PCSK5: variants seen among roughly 807,000 people sequenced by gnomAD.
The protein encoded by PCSK5 is proprotein convertase subtilisin/kexin type 5, also known as prohormone convertase 5.
PCSK5 carries 129 observed loss-of-function variants against 233.2 expected under a neutral mutation model. That is an observed-to-expected ratio of 0.55 (90% CI 0.48 to 0.64). The LOEUF is 0.64. Ranked by LOEUF, PCSK5 falls within the 30% of genes least tolerant of loss-of-function variation. PCSK5 has a pLI of 0.00. For synonymous variants in PCSK5, 825 were observed against 879.2 expected (o/e 0.94, Z 1.09); for missense variants, 2,076 against 2,430.1 (o/e 0.85, Z 3.06).
chr9:76,070,087 A>G (rs1280204539), intron 6 of PCSK5, among the ~76,000 whole-genome samples: 2 of 146,754 alleles, frequency 1.4e-5, no homozygotes, highest in African/African-American at 5.1e-5. Context: ...TGCAAGCTCC[A>G]TCTCCTGGGT....
At chr9:75,890,064 G>T (rs1825502643), upstream of PCSK5, among the ~76,000 whole-genome samples, 1 of 152,186 alleles carries the variant, frequency 6.6e-6, no homozygotes, top group Non-Finnish European at 1.5e-5. Context: ...TCCAAGGCCG[G>T]AATTGTACTC....
chr9:76,162,132 G>A (rs1184897176), intron 12 of PCSK5, among the ~76,000 whole-genome samples: 1 of 152,256 alleles, frequency 6.6e-6, no homozygotes, highest in East Asian at 1.9e-4. Flanking sequence ...CAGAATTATT[G>A]CTCTGAGCAG....
rs770196584 is a variant in PCSK5, at chr9:76,296,884, A to G, written c.3523+19A>G. 7 of 1,564,924 alleles carry G rather than the reference A, an allele frequency of 4.5e-6. No individual in the cohort carries two copies. The highest frequency in any genetic ancestry group is 6.2e-6 in the Non-Finnish European group (7 of 1,138,054). ...TGGAATGGTATGTGCCCCCCAAAAA[A>G]GAGGTCACAGGGGTCTAGCGACCTA... On this transcript the variant is annotated intron_variant, in intron 27 of 37. Transcript: ENST00000674117.
chr9:76,098,025 G>A (rs755114098), intron 8 of PCSK5, among the ~76,000 whole-genome samples: 7 of 152,110 alleles, frequency 4.6e-5, no homozygotes, highest in African/African-American at 9.7e-5. Flanking sequence ...TGCCTTTCCC[G>A]CAGTCCATAG....
intron 35 of PCSK5, 142 bp downstream of exon 35, chr9:76,338,589 G>A (rs936661730): frequency 1.4e-5 from 9 of 630,840 alleles, no homozygotes; most frequent in African/African-American, 1.1e-4. Flanking sequence ...CAGCATCAGC[G>A]CCCTCTGTTC....
At chr9:76,126,323 A>T (rs1832852959) in intron 9 of PCSK5, among the ~76,000 whole-genome samples, 1 of 152,218 alleles carries the variant, frequency 6.6e-6, no homozygotes, top group Admixed American at 6.5e-5. Context: ...GCCATAAAAA[A>T]ATGAAATCAG....
intron 7 of PCSK5, among the ~76,000 whole-genome samples, chr9:76,078,480 C>T (rs1313496486): frequency 6.6e-6 from 1 of 152,134 alleles, no homozygotes; most frequent in Non-Finnish European, 1.5e-5. Context: ...GGTCCAGTTT[C>T]ATTCTTCTGT....
intron 17 of PCSK5, 53 bp from the exon 18 acceptor site, chr9:76,188,525 G>A (rs1029756868): frequency 5.5e-5 from 63 of 1,145,414 alleles, no homozygotes; most frequent in Admixed American, 4.0e-4. Flanking sequence ...GAGTCATTAC[G>A]TTTTGGCCTC....
chr9:76,055,574 A>G (rs1310177204), intron 5 of PCSK5, among the ~76,000 whole-genome samples: 1 of 152,132 alleles, frequency 6.6e-6, no homozygotes, highest in Non-Finnish European at 1.5e-5. Context: ...GAGGTTCAGT[A>G]AAATATACTA....
chr9:76,270,891 C>T (rs939804283), intron 24 of PCSK5, among the ~76,000 whole-genome samples: 20 of 152,152 alleles, frequency 1.3e-4, no homozygotes, highest in African/African-American at 4.6e-4. Flanking sequence ...CCCAAACCTG[C>T]ACCTGTTCTG....
chr9:75,892,007 C>T lies in PCSK5; in HGVS notation c.192+634C>T, dbSNP rs367796802. 8.5e-4 allele frequency among the ~76,000 whole-genome samples: 129 copies of T among 152,150 alleles called. 2 individuals are homozygous for T. The South Asian group carries it at 0.026, about 31-fold the overall frequency. On this transcript the variant is annotated intron_variant, in intron 1 of 37. Coordinates refer to ENST00000674117, the MANE Select transcript of PCSK5 (RefSeq NM_001372043.1). ...GACCTCTAGGCTTTCTCGCCTTAAG[C>T]GAGGTCCGCGTGGGGGCTCCCGGAA...
intron 2 of PCSK5, among the ~76,000 whole-genome samples, chr9:75,946,511 G>A (rs865912764): frequency 7.2e-5 from 11 of 152,068 alleles, no homozygotes; most frequent in Non-Finnish European, 1.5e-4. Flanking sequence ...AGTCCATGTT[G>A]CCATCATATT....
At chr9:76,274,970 A>C (rs1457764964) in intron 24 of PCSK5, among the ~76,000 whole-genome samples, 1 of 151,972 alleles carries the variant, frequency 6.6e-6, no homozygotes, top group African/African-American at 2.4e-5. Flanking sequence ...CCTCATAGGA[A>C]CTCTCACGGG....
intron 1 of PCSK5, among the ~76,000 whole-genome samples, chr9:75,904,251 A>G (rs1175101840): frequency 6.6e-6 from 1 of 152,200 alleles, no homozygotes; most frequent in East Asian, 1.9e-4. Flanking sequence ...TCACATATTT[A>G]TGAGCCAGTC....
At position 76,292,217 on chromosome 9, in the gene PCSK5, TA is replaced by T; in HGVS notation, c.3143-15del. ...ATTCCTCATGATTATTACTTTTTAT[TA>T]TTTTTTTTTTCCAGATGATCCAGGA... On this transcript the variant is annotated splice_polypyrimidine_tract_variant and intron_variant, in intron 24 of 37. Coordinates refer to ENST00000674117, the MANE Select transcript of PCSK5 (RefSeq NM_001372043.1). The T allele has an allele frequency of 3.5e-6, 5 of 1,439,584 alleles. No individual in the cohort carries two copies. The highest frequency in any genetic ancestry group is 1.8e-5 in the Admixed American group (1 of 56,102). 89.2% of individuals were successfully genotyped at this position (1,439,584 alleles called of 1,614,324 possible).
chr9:76,096,895 C>T (rs887511471), intron 8 of PCSK5, among the ~76,000 whole-genome samples: 1 of 151,734 alleles, frequency 6.6e-6, no homozygotes, highest in Non-Finnish European at 1.5e-5. Flanking sequence ...AGCCACTGCG[C>T]CCCACCAAAA....
At chr9:75,948,669 T>C (rs1254127563) in intron 2 of PCSK5, among the ~76,000 whole-genome samples, 1 of 152,176 alleles carries the variant, frequency 6.6e-6, no homozygotes, top group East Asian at 1.9e-4. Context: ...CCTTTGGGTA[T>C]ATACCCAGTA....
intron 3 of PCSK5, among the ~76,000 whole-genome samples, chr9:75,990,217 C>T (rs916107625): frequency 1.3e-5 from 2 of 152,152 alleles, no homozygotes; most frequent in Non-Finnish European, 2.9e-5. Flanking sequence ...TTTCTGACCT[C>T]CGTAGGGTCC....
At chr9:76,279,010 C>T (rs1827780325) in intron 24 of PCSK5, among the ~76,000 whole-genome samples, 2 of 150,960 alleles carry the variant, frequency 1.3e-5, no homozygotes. Flanking sequence ...GCGCTGCACC[C>T]ACTAACTCGT....
Sources: gnomAD v4.1 joint callset for allele counts (sites outside exome capture counted in the v4.1 genomes callset) on GRCh38, gnomAD v4.1.1 for gene constraint, MANE v1.5 for transcripts, NCBI Gene and HGNC (gene_info 2026-07-23, HGNC 2026-07-21) for gene names.